Variants in MDN1 observed in about 807,000 individuals in gnomAD.
MDN1 encodes the protein midasin AAA ATPase 1.
In MDN1, 266 loss-of-function variants were observed where a neutral mutation model predicts 669.2. The ratio of observed to expected loss-of-function variants is 0.40; its 90% confidence interval spans 0.36 to 0.44. The LOEUF is 0.44. Ranked by LOEUF, MDN1 falls within the 20% of genes least tolerant of loss-of-function variation. The pLI is 1.00. For missense variants in MDN1, 5,940 were observed against 6,754.0 expected (o/e 0.88, Z 4.22); for synonymous variants, 2,385 against 2,457.1 (o/e 0.97, Z 0.87).
chr6:89,699,543 A>C (rs1360524572), intron 58 of MDN1, 58 bp downstream of exon 58: 2 of 1,537,462 alleles, frequency 1.3e-6, no homozygotes, highest in East Asian at 4.6e-5. Context: ...CAGTCTGTCA[A>C]AGAAAATCTA....
At chr6:89,694,552 ACT>A (rs1187936779) in intron 61 of MDN1, among the ~76,000 whole-genome samples, 2 of 151,936 alleles carry the variant, frequency 1.3e-5, no homozygotes, top group African/African-American at 4.8e-5. Context: ...AATCAACTTG[ACT>A]CTTTTTTAAG....
intron 17 of MDN1, 91 bp downstream of exon 17, chr6:89,761,554 C>A: frequency 1.1e-6 from 1 of 870,730 alleles, no homozygotes; most frequent in Non-Finnish European, 1.7e-6. Context: ...ATCATTATTT[C>A]ATTAAGACAA....
Position 89,725,298 on chromosome 6 carries a change from C to T in MDN1, c.5571G>A (p.Val1857=). The T allele has an allele frequency of 6.2e-7, 1 of 1,613,948 alleles. No individual in the cohort carries two copies. The highest frequency in any genetic ancestry group is 8.5e-7 in the Non-Finnish European group (1 of 1,179,918). Reference sequence around the variant, plus strand: ...CAAAAATCTTCGTCTTTTCATGCTGCACTTGAAAGCTCATTCCTAACTCAG... The same window carrying T: ...CAAAAATCTTCGTCTTTTCATGCTGTACTTGAAAGCTCATTCCTAACTCAG... ...YVPELGMSFQ[V]QHEKTKIFGC... Residue 1857 remains valine (V), a synonymous_variant, in exon 38 of 102, where the codon GTG becomes GTA. Coordinates refer to ENST00000369393, the MANE Select transcript of MDN1 (RefSeq NM_014611.3).
rs777197775 is a variant in MDN1, at chr6:89,803,379, C to T, written c.278G>A (p.Arg93Gln). The T allele has an allele frequency of 5.6e-6, 9 of 1,614,100 alleles. No homozygotes were observed. The highest frequency in any genetic ancestry group is 1.1e-5 in the South Asian group (1 of 91,082). The change falls in exon 2 of 102, where the codon CGG becomes CAG. Residue 93 changes from arginine to glutamine, a missense_variant. Coordinates refer to ENST00000369393, the MANE Select transcript of MDN1 (RefSeq NM_014611.3). ...GGQINHDLHE[R>Q]LCVSMSKLIG... The stretch of plus-strand genomic sequence containing the variant: ...GAGTTTGCTCATCGACACACATAGC[C>T]GTTCATGCAGATCATGGTTGATTTG...
Position 89,758,324 on chromosome 6 carries a change from CG to C in MDN1, c.2632del (p.Arg878ValfsTer6), listed in dbSNP as rs750633108. ...TGCTGGATTCATACAGGCAAATAAA[CG>C]GAAGTCAGGATGCCGAACCAGTGGC... ...TEPLVRHPDF[R>X]LFACMNPATD... On this transcript the variant is annotated frameshift_variant, in exon 19 of 102. Transcript: ENST00000369393. LOFTEE classifies it high-confidence loss of function. The C allele has an allele frequency of 1.2e-6, 2 of 1,611,158 alleles. No individual in the cohort carries two copies. Among genetic ancestry groups the C allele is most frequent in the Admixed American group, 1.7e-5 (1 of 59,798 alleles).
chr6:89,645,695 A>C (rs913104088), intron 100 of MDN1, among the ~76,000 whole-genome samples: 7 of 152,228 alleles, frequency 4.6e-5, no homozygotes, highest in African/African-American at 1.4e-4. Context: ...AATAGAAAGG[A>C]AACACTCAAC....
chr6:89,667,613 T>C (rs184649777), intron 84 of MDN1, among the ~76,000 whole-genome samples: 1 of 152,326 alleles, frequency 6.6e-6, no homozygotes, highest in East Asian at 1.9e-4. Context: ...TAAAACACTC[T>C]ATGCCTTAAA....
rs1418615488 is a variant in MDN1 at position 89,727,908 on chromosome 6, C to G, written c.5397G>C (p.Lys1799Asn). 3.1e-6 allele frequency: 5 copies of G among 1,614,016 alleles called. 1 individual carries two copies. In the East Asian group the frequency reaches 1.1e-4, roughly 36 times the overall value. Reference sequence around the variant, plus strand: ...CATCACGCCAGGCAAACTCTCCTCCCTTGCCACCTTCAACAGGTAGATCTG... The same window carrying G: ...CATCACGCCAGGCAAACTCTCCTCCGTTGCCACCTTCAACAGGTAGATCTG... ...FGADLPVEGG[K>N]GGEFAWRDGP... The change falls in exon 37 of 102, where the codon AAG becomes AAC. Residue 1799 changes from lysine to asparagine, a missense_variant. This residue lies in a region of MDN1 where 2,292 missense variants were observed against 2,638.3 expected (regional missense o/e 0.87). Transcript: ENST00000369393.
chr6:89,661,496 T>C lies in MDN1; in HGVS notation c.14648A>G (p.Asp4883Gly), dbSNP rs114646660. 19,057 of 1,614,226 alleles carry C rather than the reference T, an allele frequency of 0.012. 172 individuals carry two copies. The highest frequency in any genetic ancestry group is 0.019 in the South Asian group (1,694 of 91,086). The stretch of plus-strand genomic sequence containing the variant: ...GTCTTCACTGTCGAGGTTCAAGTCA[T>C]CTGGAAGGTCCAAAGCCTCGGGTTC... The part of the protein sequence containing the change: ...VPEPEALDLP[D>G]DLNLDSEDKN... Residue 4883 changes from aspartate (D) to glycine (G), a missense_variant, in exon 88 of 102, where the codon GAT (aspartate) becomes GGT (glycine). Transcript: ENST00000369393.
chr6:89,778,345 T>C (rs1294949307), intron 11 of MDN1, among the ~76,000 whole-genome samples: 1 of 152,162 alleles, frequency 6.6e-6, no homozygotes, highest in African/African-American at 2.4e-5. Flanking sequence ...AATTAAAATA[T>C]ATTTTAAAGC....
At position 89,740,455 on chromosome 6, in the gene MDN1, GA is replaced by G. The variant is rs774427451; in HGVS notation, c.4449-78del. On this transcript the variant is annotated intron_variant, in intron 31 of 101. Transcript: ENST00000369393. The stretch of plus-strand genomic sequence containing the variant: ...TTACAATCTTCAATGCTCTTTAAAA[GA>G]AAAAAAAAAGTTATCTTCTTTCTAC... 2,153 of 1,248,928 alleles carry G rather than the reference GA, an allele frequency of 1.7e-3. 1 individual carries two copies. The highest frequency in any genetic ancestry group is 4.2e-3 in the East Asian group (138 of 32,964). 77.4% of individuals were successfully genotyped at this position (1,248,928 alleles called of 1,614,324 possible).
intron 94 of MDN1, 90 bp from the exon 95 acceptor site, chr6:89,652,371 T>G (rs9359859): frequency 0.17 from 159,822 of 916,524 alleles, 14,375 homozygotes; most frequent in East Asian, 0.2. Context: ...CAGTATGAAC[T>G]CAAAGTACAT....
At position 89,750,379 on chromosome 6, in the gene MDN1, G is replaced by A. The variant is rs1330790833; in HGVS notation, c.3381C>T (p.Ser1127=). The change falls in exon 24 of 102, where the codon TCC becomes TCT. Residue 1127 remains serine (S), a synonymous_variant. Transcript: ENST00000369393. ...CTTCCTTAAAGACAAGCTTCCCTGA[G>A]GAGTCAGACGTGTAACAACCAATGT... ...QEYIGCYTSD[S]SGKLVFKEGV... 1.2e-6 allele frequency: 2 copies of A among 1,611,320 alleles called. No individual in the cohort carries two copies. The highest frequency in any genetic ancestry group is 3.3e-5 in the Admixed American group (2 of 59,992).
At chr6:89,731,824 T>C (rs1377183359) in intron 34 of MDN1, among the ~76,000 whole-genome samples, 1 of 139,140 alleles carries the variant, frequency 7.2e-6, no homozygotes, top group African/African-American at 2.7e-5. Flanking sequence ...TTTTCCTTTT[T>C]CTCCTTTTTT....
intron 65 of MDN1, 62 bp from the exon 66 acceptor site, chr6:89,688,870 A>C: frequency 7.2e-7 from 1 of 1,393,900 alleles, no homozygotes. Context: ...CAACATGTCA[A>C]AAAGATGTCA....
chr6:89,724,837 TCTTTA>T (rs149932142), intron 38 of MDN1, among the ~76,000 whole-genome samples: 1,771 of 152,330 alleles, frequency 0.012, 48 homozygotes, highest in African/African-American at 0.04. Flanking sequence ...TTCTTTCTTT[TCTTTA>T]GTTAAAATGC....
At chr6:89,736,318 G>C (rs1226574217) in intron 33 of MDN1, among the ~76,000 whole-genome samples, 1 of 152,204 alleles carries the variant, frequency 6.6e-6, no homozygotes, top group Non-Finnish European at 1.5e-5. Context: ...TGCTTGCATG[G>C]AGCACACTGG....
chr6:89,683,006 A>T (rs970080117), intron 73 of MDN1, 126 bp downstream of exon 73: 2 of 958,956 alleles, frequency 2.1e-6, no homozygotes, highest in African/African-American at 1.6e-5. Context: ...TACATGCTAT[A>T]TATGTCCAAA....
chr6:89,799,903 C>A (rs757466600), intron 2 of MDN1, among the ~76,000 whole-genome samples: 3 of 152,044 alleles, frequency 2.0e-5, no homozygotes, highest in Non-Finnish European at 4.4e-5. Flanking sequence ...GTTATTCAAC[C>A]CCCTTTCAAT....
Sources: allele counts gnomAD v4.1 joint callset (sites outside exome capture counted in the v4.1 genomes callset), GRCh38; gene constraint gnomAD v4.1.1; regional missense constraint gnomAD v4.1.1; transcripts MANE v1.5; gene names NCBI Gene and HGNC (gene_info 2026-07-23, HGNC 2026-07-21).